Variants in CNNM2 observed in about 807,000 individuals in gnomAD.
The protein encoded by CNNM2 is metal transporter CNNM2.
Under a neutral mutation model 66.9 loss-of-function variants are expected in CNNM2, and 12 were observed. The observed-to-expected ratio is 0.18, with a 90% CI of 0.11 to 0.29. CNNM2 has a LOEUF of 0.29. CNNM2 is among the 10% of genes least tolerant of loss of function. CNNM2 has a pLI of 1.00. For missense variants in CNNM2, 705 were observed against 1,167.7 expected (o/e 0.60, Z 5.77); for synonymous variants, 557 against 501.8 (o/e 1.11, Z -1.47).
Position 103,080,196 on chromosome 10 carries a change from G to A in CNNM2, c.*3016G>A, listed in dbSNP as rs1020096129. 3 of 152,202 alleles carry A rather than the reference G, an allele frequency of 2.0e-5. No homozygotes were observed. Among genetic ancestry groups the A allele is most frequent in the East Asian group, 1.9e-4 (1 of 5,174 alleles). The allele number at this position is 152,202 out of a possible 1,614,324, so 9.4% of individuals were successfully genotyped here. ...GATGGGAGGCCTCACCCTCCTTTAC[G>A]GGGCCTCTCTGGGTGGGACAGAGCC... On this transcript the variant is annotated 3_prime_UTR_variant, in exon 8 of 8. Transcript: ENST00000369878.
intron 1 of CNNM2, among the ~76,000 whole-genome samples, chr10:103,026,247 C>G (rs746584957): frequency 2.0e-5 from 3 of 152,170 alleles, no homozygotes; most frequent in Non-Finnish European, 2.9e-5. Context: ...CTTTTCTATT[C>G]TCTTAAGTTT....
intron 1 of CNNM2, among the ~76,000 whole-genome samples, chr10:103,038,814 C>T (rs2064987850): frequency 1.3e-5 from 2 of 152,148 alleles, no homozygotes; most frequent in Non-Finnish European, 2.9e-5. Context: ...AGAATAGCAA[C>T]AGTTATCATT....
chr10:102,995,188 CCCCTCT>C (rs2063972378), intron 1 of CNNM2, among the ~76,000 whole-genome samples: 1 of 39,314 alleles, frequency 2.5e-5, no homozygotes, highest in African/African-American at 1.2e-4. Flanking sequence ...CCTCCTCCTC[CCCCTCT>C]TCCTCCTCCT....
Position 103,090,115 on chromosome 10 carries a change from C to G in CNNM2, c.*12935C>G. On this transcript the variant is annotated 3_prime_UTR_variant, in exon 8 of 8. Coordinates refer to ENST00000369878, the MANE Select transcript of CNNM2 (RefSeq NM_017649.5). The stretch of plus-strand genomic sequence containing the variant: ...CCCCTCAAAATGGTGCCCATATTGT[C>G]TACTGCAGCTGGAAATTGGAAAAGA... The G allele has an allele frequency of 4.4e-6, 2 of 450,892 alleles. No individual in the cohort carries two copies. Among genetic ancestry groups the G allele is most frequent in the Non-Finnish European group, 3.9e-6 (1 of 257,714 alleles). 27.9% of individuals were successfully genotyped at this position (450,892 alleles called of 1,614,324 possible). A position where few individuals can be genotyped will look rare whatever the true frequency, so the allele number is the denominator to read the frequency against.
intron 1 of CNNM2, among the ~76,000 whole-genome samples, chr10:103,042,821 A>C (rs371603864): frequency 6.6e-6 from 1 of 152,130 alleles, no homozygotes; most frequent in African/African-American, 2.4e-5. Context: ...TCCTCTGGAG[A>C]TCTTAAGTGT....
intron 1 of CNNM2, among the ~76,000 whole-genome samples, chr10:102,924,219 G>C (rs1845764018): frequency 6.6e-6 from 1 of 152,194 alleles, no homozygotes; most frequent in Admixed American, 6.5e-5. Context: ...TGGAAAGCAT[G>C]TTAGAGGCTC....
chr10:103,089,525 GATA>G lies in CNNM2; in HGVS notation c.*12350_*12352del, dbSNP rs540658783. On this transcript the variant is annotated 3_prime_UTR_variant, in exon 8 of 8. Transcript: ENST00000369878. ...ACACAAAACCAAAACAAGTATCTAT[GATA>G]ATAAAATCTTCAGAAACTTTTCAGA... 1.8e-4 allele frequency: 241 copies of G among 1,368,870 alleles called. 5 individuals are homozygous for G. The South Asian group carries it at 2.5e-3, about 14-fold the overall frequency. 84.8% of individuals were successfully genotyped at this position (1,368,870 alleles called of 1,614,324 possible).
intron 1 of CNNM2, among the ~76,000 whole-genome samples, chr10:102,979,920 A>C (rs962580686): frequency 6.1e-5 from 9 of 147,064 alleles, no homozygotes; most frequent in Admixed American, 2.7e-4. Flanking sequence ...TTTTCTTTTT[A>C]TTTTTTTTTT....
chr10:103,043,061 A>C (rs962350977), intron 1 of CNNM2, among the ~76,000 whole-genome samples: 14 of 152,250 alleles, frequency 9.2e-5, no homozygotes, highest in African/African-American at 3.4e-4. Flanking sequence ...AGGCCGCAGC[A>C]TCTCACAACT....
At chr10:103,035,950 G>A (rs1402807220) in intron 1 of CNNM2, among the ~76,000 whole-genome samples, 1 of 152,158 alleles carries the variant, frequency 6.6e-6, no homozygotes, top group Non-Finnish European at 1.5e-5. Flanking sequence ...CTCTGGCATA[G>A]CGCACACACA....
At chr10:102,983,983 T>G (rs376421068) in intron 1 of CNNM2, among the ~76,000 whole-genome samples, 17 of 152,178 alleles carry the variant, frequency 1.1e-4, no homozygotes, top group African/African-American at 3.9e-4. Flanking sequence ...CTCGAACTCC[T>G]GACTTCAGGT....
intron 6 of CNNM2, among the ~76,000 whole-genome samples, chr10:103,072,719 A>G (rs1197785133): frequency 1.3e-5 from 2 of 152,230 alleles, no homozygotes; most frequent in Non-Finnish European, 2.9e-5. Context: ...TGGTAACACA[A>G]TTTTCCTATA....
chr10:102,927,477 T>C (rs1845910536), intron 1 of CNNM2: 1 of 1,590,124 alleles, frequency 6.3e-7, no homozygotes, highest in East Asian at 2.2e-5. Context: ...GGGTGGCAGT[T>C]GGCTGGGCGT....
Position 103,083,947 on chromosome 10 carries a change from G to T in CNNM2, c.*6767G>T, listed in dbSNP as rs981985918. On this transcript the variant is annotated 3_prime_UTR_variant, in exon 8 of 8. Transcript: ENST00000369878. ...ATCCGGCCTGAGTGTGGCGAGGCGTGTGCAGGTGGGTCTTCAGGATTCAGT... is the reference window on the plus strand; with the variant it reads ...ATCCGGCCTGAGTGTGGCGAGGCGTTTGCAGGTGGGTCTTCAGGATTCAGT... 1 of 152,266 alleles carries T rather than the reference G, an allele frequency of 6.6e-6. No individual in the cohort carries two copies. The highest frequency in any genetic ancestry group is 1.5e-5 in the Non-Finnish European group (1 of 68,082). The allele number at this position is 152,266 out of a possible 1,614,324, so 9.4% of individuals were successfully genotyped here.
chr10:102,965,023 G>T (rs375001502), intron 1 of CNNM2, among the ~76,000 whole-genome samples: 1 of 152,178 alleles, frequency 6.6e-6, no homozygotes, highest in East Asian at 1.9e-4. Flanking sequence ...AGGATGCAAG[G>T]CGCCATCTTG....
chr10:102,923,287 A>G (rs1845724930), intron 1 of CNNM2, among the ~76,000 whole-genome samples: 1 of 152,180 alleles, frequency 6.6e-6, no homozygotes, highest in Non-Finnish European at 1.5e-5. Context: ...GGTGATGATT[A>G]TTACTTACCT....
chr10:103,084,000 T>G lies in CNNM2; in HGVS notation c.*6820T>G, dbSNP rs1197544636. ...ATATCCTGCATTCCCCAGTAATCGG[T>G]GTGTATGATACACGTTCTTTTCCAT... On this transcript the variant is annotated 3_prime_UTR_variant, in exon 8 of 8. Coordinates refer to ENST00000369878, the MANE Select transcript of CNNM2 (RefSeq NM_017649.5). 2 of 152,214 alleles carry G rather than the reference T, an allele frequency of 1.3e-5. No individual in the cohort carries two copies. Among genetic ancestry groups the G allele is most frequent in the Non-Finnish European group, 2.9e-5 (2 of 68,058 alleles). The allele number at this position is 152,214 out of a possible 1,614,324, so 9.4% of individuals were successfully genotyped here.
chr10:102,941,119 T>C (rs1846416160), intron 1 of CNNM2, among the ~76,000 whole-genome samples: 1 of 152,216 alleles, frequency 6.6e-6, no homozygotes, highest in African/African-American at 2.4e-5. Context: ...TTGATTATCA[T>C]TAAACTTCCA....
chr10:103,024,115 G>T (rs2134290387), intron 1 of CNNM2, among the ~76,000 whole-genome samples: 1 of 152,182 alleles, frequency 6.6e-6, no homozygotes, highest in East Asian at 1.9e-4. Flanking sequence ...TTCTAACAAG[G>T]ATGCAATCAA....
Sources: allele counts gnomAD v4.1 joint callset (sites outside exome capture counted in the v4.1 genomes callset), GRCh38; gene constraint gnomAD v4.1.1; transcripts MANE v1.5; gene names NCBI Gene and HGNC (gene_info 2026-07-23, HGNC 2026-07-21).